FRMD3: variants seen among roughly 807,000 people sequenced by gnomAD.
FRMD3 encodes FERM domain containing 3.
In FRMD3, 33 loss-of-function variants were observed where a neutral mutation model predicts 70.2. The observed-to-expected ratio is 0.47, with a 90% CI of 0.36 to 0.63. FRMD3 has a LOEUF of 0.63. Ranked by LOEUF, FRMD3 falls within the 20% of genes least tolerant of loss-of-function variation. FRMD3 has a pLI of 0.00. For synonymous variants in FRMD3, 279 were observed against 255.9 expected, an observed-to-expected ratio of 1.09 and a Z score of -0.86; for missense variants, 632 against 711.4, an observed-to-expected ratio of 0.89 and a Z score of 1.27.
intron 10 of FRMD3, among the ~76,000 whole-genome samples, chr9:83,308,454 T>C (rs1267682913): frequency 6.6e-6 from 1 of 152,118 alleles, no homozygotes; most frequent in Non-Finnish European, 1.5e-5. Flanking sequence ...GAGACAGCAT[T>C]TTCAGGGAGA....
chr9:83,269,528 G>A (rs1439465610), intron 13 of FRMD3, among the ~76,000 whole-genome samples: 1 of 152,064 alleles, frequency 6.6e-6, no homozygotes, highest in Admixed American at 6.6e-5. Context: ...CCAACATGGT[G>A]AAACCCCATC....
intron 13 of FRMD3, among the ~76,000 whole-genome samples, chr9:83,261,786 G>A (rs1327896685): frequency 6.6e-6 from 1 of 152,146 alleles, no homozygotes; most frequent in Non-Finnish European, 1.5e-5. Context: ...TTACCATCAA[G>A]GTTAAAAATC....
rs1333419249 is a variant in FRMD3, at chr9:83,245,512, G to T, written c.*2406C>A. ...TCAACAATGAAGTTTCCACCTAAGA[G>T]AAAAGAGATGTTAGCTGGAAATGTT... On this transcript the variant is annotated 3_prime_UTR_variant, in exon 14 of 14. Transcript: ENST00000304195. 2.4e-5 allele frequency: 23 copies of T among 978,192 alleles called. No individual in the cohort carries two copies. The highest frequency in any genetic ancestry group is 8.5e-6 in the Non-Finnish European group (7 of 823,582). The allele number at this position is 978,192 out of a possible 1,614,324, so 60.6% of individuals were successfully genotyped here.
intron 1 of FRMD3, among the ~76,000 whole-genome samples, chr9:83,521,218 G>A (rs1829565141): frequency 6.6e-6 from 1 of 152,058 alleles, no homozygotes; most frequent in Non-Finnish European, 1.5e-5. Flanking sequence ...GTCACAAGTT[G>A]TGAAACTATC....
At chr9:83,276,945 G>A (rs530270902) in intron 13 of FRMD3, among the ~76,000 whole-genome samples, 1 of 152,282 alleles carries the variant, frequency 6.6e-6, no homozygotes, top group South Asian at 2.1e-4. Context: ...CCTGACTTCA[G>A]GTGATCCACC....
rs34264142 is a variant in FRMD3 at position 83,509,787 on chromosome 9, G to GCACA, written c.147+28294_147+28297dup. ...TTAATTAAAATACGCACACGCGCGC[G>GCACA]CACACACACACACACACACAGTTCC... On this transcript the variant is annotated intron_variant, in intron 1 of 13. Transcript: ENST00000304195. Among the ~76,000 whole-genome samples the GCACA allele has an allele frequency of 5.4e-3, 808 of 149,486 alleles. 7 individuals carry two copies. The highest frequency in any genetic ancestry group is 0.018 in the African/African-American group (742 of 40,788).
intron 13 of FRMD3, among the ~76,000 whole-genome samples, chr9:83,258,671 A>C (rs971555404): frequency 6.6e-6 from 1 of 152,234 alleles, no homozygotes; most frequent in Non-Finnish European, 1.5e-5. Flanking sequence ...TAACCTCCTA[A>C]GTAAAGACTG....
intron 1 of FRMD3, among the ~76,000 whole-genome samples, chr9:83,416,538 T>C (rs1826446518): frequency 6.6e-6 from 1 of 152,220 alleles, no homozygotes; most frequent in Admixed American, 6.5e-5. Flanking sequence ...TCAGAAAATA[T>C]CCTTACAACT....
intron 1 of FRMD3, among the ~76,000 whole-genome samples, chr9:83,508,583 C>T (rs1829259266): frequency 6.6e-6 from 1 of 152,142 alleles, no homozygotes; most frequent in South Asian, 2.1e-4. Context: ...TGACTCTCTT[C>T]CTGTTCTTAA....
At chr9:83,399,060 A>C (rs1386807314) in intron 1 of FRMD3, among the ~76,000 whole-genome samples, 1 of 152,230 alleles carries the variant, frequency 6.6e-6, no homozygotes, top group Non-Finnish European at 1.5e-5. Flanking sequence ...TACAGTCAAC[A>C]TCACAGCAAG....
rs1221837522 is a variant in FRMD3, at chr9:83,247,962, C to G, written c.1750G>C (p.Ala584Pro). ...EYYCPLKEWV[A>P]GKVHLILYML... Reference sequence around the variant, plus strand: ...TAGAGGATGAGGTGGACTTTCCCAGCCACCCACTCCTTGAGGGGACAGTAG... The same window carrying G: ...TAGAGGATGAGGTGGACTTTCCCAGGCACCCACTCCTTGAGGGGACAGTAG... The change falls in exon 14 of 14, where the codon GCT becomes CCT. Residue 584 changes from alanine (A) to proline (P), a missense_variant. Physicochemically the swap from Ala to Pro is conservative, Grantham distance 27 (BLOSUM62 -1). Transcript: ENST00000304195. The G allele has an allele frequency of 6.2e-7, 1 of 1,614,166 alleles. No individual in the cohort carries two copies. The highest frequency in any genetic ancestry group is 1.7e-5 in the Admixed American group (1 of 60,018).
At chr9:83,496,562 A>G (rs192638009) in intron 1 of FRMD3, among the ~76,000 whole-genome samples, 2 of 152,326 alleles carry the variant, frequency 1.3e-5, no homozygotes, top group Non-Finnish European at 2.9e-5. Context: ...CTTTTGATAA[A>G]TGCCCTGGTG....
intron 1 of FRMD3, among the ~76,000 whole-genome samples, chr9:83,423,333 C>G (rs1426391281): frequency 6.6e-6 from 1 of 152,026 alleles, no homozygotes; most frequent in Non-Finnish European, 1.5e-5. Flanking sequence ...TGCACTCATC[C>G]CAGGGACTGT....
intron 6 of FRMD3, among the ~76,000 whole-genome samples, chr9:83,316,607 A>G (rs1023890138): frequency 1.3e-5 from 2 of 152,226 alleles, no homozygotes; most frequent in African/African-American, 4.8e-5. Context: ...TCACTGTGAT[A>G]TATGTATATA....
intron 13 of FRMD3, among the ~76,000 whole-genome samples, chr9:83,278,404 G>C (rs1050760626): frequency 1.6e-4 from 24 of 152,198 alleles, no homozygotes; most frequent in Non-Finnish European, 3.2e-4. Flanking sequence ...AGGAGTGGAA[G>C]CAGAGAACCC....
upstream of FRMD3, among the ~76,000 whole-genome samples, chr9:83,539,635 A>G (rs1829974544): frequency 6.6e-6 from 1 of 152,070 alleles, no homozygotes; most frequent in African/African-American, 2.4e-5. Flanking sequence ...GGTGGGCCAT[A>G]TATTCTCTAG....
At chr9:83,523,153 A>AGGATGGATGGATGGATGGATGGAT (rs144992070) in intron 1 of FRMD3, among the ~76,000 whole-genome samples, 1 of 149,584 alleles carries the variant, frequency 6.7e-6, no homozygotes, top group African/African-American at 2.5e-5. Flanking sequence ...GAATGGATGG[A>AGGATGGATGGATGGATGGATGGAT]GGATGGATGG....
chr9:83,391,900 G>C (rs1825675685), intron 1 of FRMD3, among the ~76,000 whole-genome samples: 1 of 152,120 alleles, frequency 6.6e-6, no homozygotes, highest in African/African-American at 2.4e-5. Flanking sequence ...ACCCAGGAGG[G>C]AGCCTGTTGG....
intron 1 of FRMD3, among the ~76,000 whole-genome samples, chr9:83,475,833 A>T (rs1046956696): frequency 1.3e-5 from 2 of 152,180 alleles, no homozygotes; most frequent in Non-Finnish European, 2.9e-5. Context: ...AAGTTCTAGA[A>T]AGCTATTGGG....
Sources: gnomAD v4.1 joint callset for allele counts (sites outside exome capture counted in the v4.1 genomes callset) on GRCh38, gnomAD v4.1.1 for gene constraint, MANE v1.5 for transcripts, NCBI Gene and HGNC (gene_info 2026-07-23, HGNC 2026-07-21) for gene names.